CSNK2A1: variants seen among roughly 807,000 people sequenced by gnomAD.
The protein encoded by CSNK2A1 is casein kinase II subunit alpha.
CSNK2A1 carries 10 observed loss-of-function variants against 62.9 expected under a neutral mutation model. The ratio of observed to expected loss-of-function variants is 0.16; its 90% CI spans 0.10 to 0.27. The LOEUF is 0.27. Ranked by LOEUF, CSNK2A1 falls within the 10% of genes least tolerant of loss-of-function variation. CSNK2A1 has a pLI of 1.00. For missense variants in CSNK2A1, 160 were observed against 492.0 expected (o/e 0.33, Z 6.38); for synonymous variants, 124 against 167.8 (o/e 0.74, Z 2.02).
intron 2 of CSNK2A1, among the ~76,000 whole-genome samples, chr20:517,776 C>G (rs1325123967): frequency 6.6e-6 from 1 of 151,726 alleles, no homozygotes; most frequent in Non-Finnish European, 1.5e-5. Flanking sequence ...CTATAAGAAA[C>G]ACATCATTGG....
In CSNK2A1 at chr20:475,915, A is replaced by G. The variant is rs186499604; in HGVS notation, c.*8046T>C. The G allele has an allele frequency of 3.3e-5, 5 of 152,376 alleles. No individual in the cohort carries two copies. The highest frequency in any genetic ancestry group is 3.3e-4 in the Admixed American group (5 of 15,298). The allele number at this position is 152,376 out of a possible 1,614,324, so 9.4% of individuals were successfully genotyped here. A position where few individuals can be genotyped will look rare whatever the true frequency, so the allele number is the denominator to read the frequency against. Reference sequence around the variant, plus strand: ...CAGCCCAGCCGACCCACAACCTGAAAAACAGCTGCTTGGGCTGAACTTGAT... The same window carrying G: ...CAGCCCAGCCGACCCACAACCTGAAGAACAGCTGCTTGGGCTGAACTTGAT... On this transcript the variant is annotated 3_prime_UTR_variant, in exon 14 of 14. Transcript: ENST00000217244.
chr20:532,274 C>T (rs2019228464), intron 1 of CSNK2A1, among the ~76,000 whole-genome samples: 1 of 152,072 alleles, frequency 6.6e-6, no homozygotes, highest in Non-Finnish European at 1.5e-5. Flanking sequence ...AAGCGATTCC[C>T]CCGCCTCAGC....
chr20:515,518 A>T (rs951832194), intron 2 of CSNK2A1, among the ~76,000 whole-genome samples: 6 of 152,188 alleles, frequency 3.9e-5, no homozygotes, highest in Non-Finnish European at 7.3e-5. Flanking sequence ...TAGCTTGACC[A>T]AGAATATCCA....
At position 478,745 on chromosome 20, in the gene CSNK2A1, C is replaced by T. The variant is rs1054815096; in HGVS notation, c.*5216G>A. ...GAGTTCAAGACCAGCCTGGGCAACA[C>T]GGCAAAACTTCATCTCTACCAAAAA... On this transcript the variant is annotated 3_prime_UTR_variant, in exon 14 of 14. Coordinates refer to ENST00000217244, the MANE Select transcript of CSNK2A1 (RefSeq NM_177559.3). 7 of 253,534 alleles carry T rather than the reference C, an allele frequency of 2.8e-5. No homozygotes were observed. Among genetic ancestry groups the T allele is most frequent in the Admixed American group, 1.7e-4 (3 of 17,224 alleles). 15.7% of individuals were successfully genotyped at this position (253,534 alleles called of 1,614,324 possible).
In CSNK2A1 at chr20:480,536, T is replaced by C. The variant is rs1600361461; in HGVS notation, c.*3425A>G. On this transcript the variant is annotated 3_prime_UTR_variant, in exon 14 of 14. Transcript: ENST00000217244. ...TAATACAACAAAAGTTCAGGTGTTCTGAGGAAAAAGAAGGGCAAGGGTAAG... is the reference window on the plus strand; with the variant it reads ...TAATACAACAAAAGTTCAGGTGTTCCGAGGAAAAAGAAGGGCAAGGGTAAG... The C allele has an allele frequency of 2.0e-5, 3 of 152,208 alleles. No homozygotes were observed. In the South Asian group the frequency reaches 6.2e-4, roughly 32 times the overall value. The allele number at this position is 152,208 out of a possible 1,614,324, so 9.4% of individuals were successfully genotyped here.
At chr20:542,117 C>T (rs1168149907) in intron 1 of CSNK2A1, among the ~76,000 whole-genome samples, 4 of 152,160 alleles carry the variant, frequency 2.6e-5, no homozygotes, top group African/African-American at 9.7e-5. Flanking sequence ...CAGAAGAGCC[C>T]CAAATATACC....
intron 2 of CSNK2A1, among the ~76,000 whole-genome samples, chr20:511,230 C>T (rs922345122): frequency 6.6e-6 from 1 of 151,996 alleles, no homozygotes; most frequent in African/African-American, 2.4e-5. Flanking sequence ...GTCCCAGCTA[C>T]TTGGGAGGCT....
At chr20:503,636 C>T (rs746484337) in intron 4 of CSNK2A1, 6 of 398,480 alleles carry the variant, frequency 1.5e-5, no homozygotes, top group South Asian at 1.3e-4. Context: ...TTATACTCCT[C>T]GCGATGGCAT....
chr20:540,474 C>T (rs1023350119), intron 1 of CSNK2A1, among the ~76,000 whole-genome samples: 5 of 152,158 alleles, frequency 3.3e-5, no homozygotes, highest in African/African-American at 1.2e-4. Context: ...AGAAAGACCT[C>T]ACTTCTGTCT....
intron 8 of CSNK2A1, 136 bp downstream of exon 8, chr20:495,583 G>A (rs923184476): frequency 1.9e-5 from 12 of 637,766 alleles, no homozygotes; most frequent in Middle Eastern, 3.2e-4. Flanking sequence ...TTGTAAATTC[G>A]TACATTCATT....
chr20:538,817 A>T (rs1015308846), intron 1 of CSNK2A1, among the ~76,000 whole-genome samples: 1 of 152,218 alleles, frequency 6.6e-6, no homozygotes, highest in Non-Finnish European at 1.5e-5. Context: ...ATAGAAACCC[A>T]TTATTAAGCC....
In CSNK2A1 at chr20:514,345, AAAACAAAC is replaced by A. The variant is rs376182205; in HGVS notation, c.-109-5693_-109-5686del. ...GGTGACAGAGCAAGACCCTGTCTCA[AAAACAAAC>A]AAACAAACAAACAAAAAACAAAAAC... On this transcript the variant is annotated intron_variant, in intron 2 of 13. Coordinates refer to ENST00000217244, the MANE Select transcript of CSNK2A1 (RefSeq NM_177559.3). 4.1e-3 allele frequency among the ~76,000 whole-genome samples: 624 copies of A among 151,962 alleles called. 9 individuals are homozygous for A. Among genetic ancestry groups the A allele is most frequent in the African/African-American group, 0.013 (538 of 41,388 alleles).
At chr20:511,473 T>G (rs1389054980) in intron 2 of CSNK2A1, among the ~76,000 whole-genome samples, 1 of 152,216 alleles carries the variant, frequency 6.6e-6, no homozygotes, top group African/African-American at 2.4e-5. Context: ...ATGAAAACTA[T>G]GTATCCACTA....
At position 543,686 on chromosome 20, in the gene CSNK2A1, G is replaced by A. The variant is rs948819368; in HGVS notation, c.-241C>T. On this transcript the variant is annotated 5_prime_UTR_variant, in exon 1 of 14. Coordinates refer to ENST00000217244, the MANE Select transcript of CSNK2A1 (RefSeq NM_177559.3). ...TCCCTAGGTACCTGTGGTGGAAGCG[G>A]CAGCGGCGGCGGCCGCTCTCCCCTC... is the stretch of plus-strand genomic sequence containing the variant. The A allele has an allele frequency of 5.0e-6, 2 of 398,204 alleles. No homozygotes were observed. The highest frequency in any genetic ancestry group is 8.8e-5 in the Admixed American group (2 of 22,724). 24.7% of individuals were successfully genotyped at this position (398,204 alleles called of 1,614,324 possible). A position where few individuals can be genotyped will look rare whatever the true frequency, so the allele number is the denominator to read the frequency against.
At position 527,954 on chromosome 20, in the gene CSNK2A1, A is replaced by C. The variant is rs2019132143; in HGVS notation, c.-131T>G. On this transcript the variant is annotated 5_prime_UTR_variant, in exon 2 of 14. The change abolishes the stop of an existing upstream ORF in the 5' untranslated region. Coordinates refer to ENST00000217244, the MANE Select transcript of CSNK2A1 (RefSeq NM_177559.3). Reference sequence around the variant, plus strand: ...TTACCAAAGAGATGTGAAACTAGTCAGTATGGGTGAATGATGTTTCTTGGA... The same window carrying C: ...TTACCAAAGAGATGTGAAACTAGTCCGTATGGGTGAATGATGTTTCTTGGA... 1 of 152,254 alleles carries C rather than the reference A, an allele frequency of 6.6e-6. No homozygotes were observed. The highest frequency in any genetic ancestry group is 2.4e-5 in the African/African-American group (1 of 41,466). 9.4% of individuals were successfully genotyped at this position (152,254 alleles called of 1,614,324 possible). A position where few individuals can be genotyped will look rare whatever the true frequency, so the allele number is the denominator to read the frequency against.
At chr20:536,038 G>GAA in intron 1 of CSNK2A1, among the ~76,000 whole-genome samples, 1 of 152,064 alleles carries the variant, frequency 6.6e-6, no homozygotes, top group Non-Finnish European at 1.5e-5. Flanking sequence ...TCTGAGATGG[G>GAA]AATATTACCT....
intron 2 of CSNK2A1, among the ~76,000 whole-genome samples, chr20:521,412 T>C (rs2018942704): frequency 2.0e-5 from 3 of 152,144 alleles, no homozygotes; most frequent in African/African-American, 7.2e-5. Flanking sequence ...AACAAAACTA[T>C]ACCAAAAGCT....
At chr20:534,942 G>A (rs1217044356) in intron 1 of CSNK2A1, among the ~76,000 whole-genome samples, 1 of 149,232 alleles carries the variant, frequency 6.7e-6, no homozygotes, top group Non-Finnish European at 1.5e-5. Flanking sequence ...GCTGAGGCAG[G>A]AGAATTGCTT....
At chr20:510,813 C>T (rs2018703977) in intron 2 of CSNK2A1, among the ~76,000 whole-genome samples, 1 of 152,128 alleles carries the variant, frequency 6.6e-6, no homozygotes, top group Admixed American at 6.5e-5. Context: ...ACCTCCCAGG[C>T]TCAATCAATC....
Sources: allele counts gnomAD v4.1 joint callset (sites outside exome capture counted in the v4.1 genomes callset), GRCh38; gene constraint gnomAD v4.1.1; transcripts MANE v1.5; gene names NCBI Gene and HGNC (gene_info 2026-07-23, HGNC 2026-07-21).